Variants in ZAP70 observed in about 807,000 individuals in gnomAD.
ZAP70 encodes the protein tyrosine-protein kinase ZAP-70.
Under a neutral mutation model 65.8 loss-of-function variants are expected in ZAP70, and 27 were observed. The ratio of observed to expected loss-of-function variants is 0.41; its 90% CI spans 0.30 to 0.57. The LOEUF is 0.57. Ranked by LOEUF, ZAP70 falls within the 20% of genes least tolerant of loss-of-function variation. The pLI, the probability that ZAP70 is intolerant of heterozygous loss-of-function variation, is 0.28. For missense variants in ZAP70, 696 were observed against 870.5 expected (o/e 0.80, Z 2.52); for synonymous variants, 363 against 360.8 (o/e 1.01, Z -0.07).
chr2:97,732,994 G>A lies in ZAP70; in HGVS notation c.675G>A (p.Glu225=), dbSNP rs1432620096. Residue 225 remains glutamate (E), a synonymous_variant, in exon 5 of 14, where the codon GAG becomes GAA. Transcript: ENST00000264972. ...AGGCGGGCAAGTACTGCATTCCCGAGGGCACCAAGTTTGACACGCTCTGGC... is the reference window on the plus strand; with the variant it reads ...AGGCGGGCAAGTACTGCATTCCCGAAGGCACCAAGTTTGACACGCTCTGGC... The part of the protein sequence containing the change: ...QDKAGKYCIP[E]GTKFDTLWQL... The A allele has an allele frequency of 2.5e-6, 4 of 1,614,148 alleles. No homozygotes were observed. The South Asian group carries it at 3.3e-5, about 13-fold the overall frequency.
chr2:97,732,716 A>G, intron 4 of ZAP70, 167 bp from the exon 5 acceptor site: 1 of 944,224 alleles, frequency 1.1e-6, no homozygotes, highest in Non-Finnish European at 1.6e-6. Context: ...GCCCATCATC[A>G]GCAGATCTGG....
In ZAP70 at chr2:97,724,141, G is replaced by A. The variant is rs56127120; in HGVS notation, c.105G>A (p.Leu35=). 3.7e-3 allele frequency: 5,827 copies of A among 1,569,446 alleles called. 172 individuals carry two copies. In the East Asian group the frequency reaches 0.082, roughly 22 times the overall value. The part of the protein sequence containing the change: ...KLAGMADGLF[L]LRQCLRSLGG... ...CGGGCATGGCGGACGGGCTCTTCCT[G>A]CTGCGCCAGTGCCTGCGCTCGCTGG... Residue 35 remains leucine (L), a synonymous_variant, in exon 3 of 14, where the codon CTG becomes CTA. Transcript: ENST00000264972.
chr2:97,715,302 A>G lies in ZAP70; in HGVS notation c.-22+1308A>G, dbSNP rs1676864040. On this transcript the variant is annotated intron_variant, in intron 2 of 13. Coordinates refer to ENST00000264972, the MANE Select transcript of ZAP70 (RefSeq NM_001079.4). The surrounding 1 kb of genome is among the most constrained non-coding windows in gnomAD (Gnocchi z 4.1). ...TTTGGGTTGTGACCCAGCGGGTGTT[A>G]CTGGCATCCAGCATGTCCAGGACAG... 6.6e-6 allele frequency among the ~76,000 whole-genome samples: 1 copy of G among 152,192 alleles called. No homozygotes were observed. Among genetic ancestry groups the G allele is most frequent in the Non-Finnish European group, 1.5e-5 (1 of 68,026 alleles).
At chr2:97,755,233 A>G in the ZAP70 span, among the ~76,000 whole-genome samples, 32 of 152,224 alleles carry the variant, frequency 2.1e-4, no homozygotes, top group African/African-American at 7.5e-4. Context: ...CTCAACAGGG[A>G]CCATGGAGGA....
chr2:97,748,748 G>A, the ZAP70 span, among the ~76,000 whole-genome samples: 142 of 152,252 alleles, frequency 9.3e-4, 2 homozygotes, highest in African/African-American at 3.2e-3. Context: ...CAAGGTTCCC[G>A]CCACCTCTAA....
At chr2:97,746,236 AATAG>A in the ZAP70 span, among the ~76,000 whole-genome samples, 1 of 152,220 alleles carries the variant, frequency 6.6e-6, no homozygotes, top group Admixed American at 6.5e-5. Context: ...AAAGTTCGGA[AATAG>A]ATAGGGGTGA....
At chr2:97,723,027 C>G (rs1044871282) in intron 2 of ZAP70, among the ~76,000 whole-genome samples, 7 of 152,176 alleles carry the variant, frequency 4.6e-5, no homozygotes, top group Admixed American at 4.6e-4. Context: ...ATAACCCAAG[C>G]CCTGTGAATA....
downstream of ZAP70, among the ~76,000 whole-genome samples, chr2:97,740,718 C>T (rs1210570880): frequency 6.6e-6 from 1 of 152,172 alleles, no homozygotes; most frequent in Non-Finnish European, 1.5e-5. Flanking sequence ...CCGAGGCCAG[C>T]TGGGGTCAAT....
intron 4 of ZAP70, among the ~76,000 whole-genome samples, chr2:97,726,906 C>T (rs986373683): frequency 2.0e-5 from 3 of 152,246 alleles, no homozygotes; most frequent in Non-Finnish European, 2.9e-5. Context: ...CTCAAAATGA[C>T]AGTTTATTGC....
At chr2:97,740,249 C>G (rs35321446), downstream of ZAP70, among the ~76,000 whole-genome samples, 63,372 of 151,986 alleles carry the variant, frequency 0.42, 13,988 homozygotes, top group Non-Finnish European at 0.47. Context: ...AGATACAATG[C>G]TTTTCATTGG....
intron 2 of ZAP70, among the ~76,000 whole-genome samples, chr2:97,719,561 G>GT (rs1553572125): frequency 6.7e-6 from 1 of 149,170 alleles, no homozygotes; most frequent in South Asian, 2.3e-4. Context: ...CCTGGGGGGG[G>GT]GGCGCAGACC....
rs200712258 is a variant in ZAP70, at chr2:97,737,463, G to T, written c.1290-10G>T. On this transcript the variant is annotated splice_polypyrimidine_tract_variant and intron_variant, in intron 10 of 13. Coordinates refer to ENST00000264972, the MANE Select transcript of ZAP70 (RefSeq NM_001079.4). The surrounding 1 kb of genome is among the most constrained non-coding windows in gnomAD (Gnocchi z 5.0). ...TCTCCCAGCTGACCCCGCCTTCCCC[G>T]CCACCCCAGGGAGGAGATCCCTGTG... 6.2e-7 allele frequency: 1 copy of T among 1,613,938 alleles called. No individual in the cohort carries two copies. Among genetic ancestry groups the T allele is most frequent in the Non-Finnish European group, 8.5e-7 (1 of 1,179,932 alleles).
intron 4 of ZAP70, among the ~76,000 whole-genome samples, chr2:97,726,289 G>T (rs1479668397): frequency 2.0e-5 from 3 of 152,222 alleles, no homozygotes; most frequent in Admixed American, 1.3e-4. Flanking sequence ...CCCTGCTGGG[G>T]CTGTTGCTCT....
In ZAP70 at chr2:97,737,962, C is replaced by T. The variant is rs758755320; in HGVS notation, c.1624-33C>T. The T allele has an allele frequency of 1.9e-6, 3 of 1,613,958 alleles. No individual in the cohort carries two copies. Among genetic ancestry groups the T allele is most frequent in the Non-Finnish European group, 2.5e-6 (3 of 1,179,888 alleles). On this transcript the variant is annotated intron_variant, in intron 12 of 13. Transcript: ENST00000264972. This position sits in a 1 kb window ranked among gnomAD's most constrained non-coding sequence, Gnocchi z 5.0. ...GGGGGATGAGGAGGAGGACACTGGT[C>T]ACTCACAGGTGTCTCTGCCCCGGCT...
At chr2:97,732,522 T>C (rs942525165) in intron 4 of ZAP70, among the ~76,000 whole-genome samples, 1 of 152,242 alleles carries the variant, frequency 6.6e-6, no homozygotes, top group African/African-American at 2.4e-5. Flanking sequence ...TGGCCGTGGA[T>C]GGCCAACTGT....
chr2:97,727,499 A>C (rs1317125433), intron 4 of ZAP70, among the ~76,000 whole-genome samples: 2 of 152,144 alleles, frequency 1.3e-5, no homozygotes, highest in Non-Finnish European at 2.9e-5. Flanking sequence ...ACCCTCGCCA[A>C]GATGTTAGTA....
At chr2:97,742,476 C>A (rs967488896), downstream of ZAP70, among the ~76,000 whole-genome samples, 1 of 152,238 alleles carries the variant, frequency 6.6e-6, no homozygotes, top group East Asian at 1.9e-4. Context: ...CTGCTCTGAG[C>A]AAAAGGCCAA....
At chr2:97,725,885 T>C (rs1217339055) in intron 4 of ZAP70, among the ~76,000 whole-genome samples, 1 of 152,076 alleles carries the variant, frequency 6.6e-6, no homozygotes, top group East Asian at 1.9e-4. Flanking sequence ...AGGAGTCTAT[T>C]TGGCGTGTTC....
intron 4 of ZAP70, 75 bp downstream of exon 4, chr2:97,725,327 G>A (rs1230355024): frequency 5.7e-6 from 9 of 1,573,696 alleles, no homozygotes; most frequent in African/African-American, 2.7e-5. Context: ...TGGGGCAGAC[G>A]TGAGTGTGCA....
Sources: gnomAD v4.1 joint callset for allele counts (sites outside exome capture counted in the v4.1 genomes callset) on GRCh38, gnomAD v4.1.1 for gene constraint, Gnocchi (gnomAD v3.1) non-coding constraint, MANE v1.5 for transcripts, NCBI Gene and HGNC (gene_info 2026-07-23, HGNC 2026-07-21) for gene names.